Variants in KCNH8 observed in about 807,000 individuals in gnomAD.
KCNH8 encodes voltage-gated delayed rectifier potassium channel KCNH8.
KCNH8 carries 70 observed loss-of-function variants against 103.6 expected under a neutral mutation model. That is an observed-to-expected ratio of 0.68 (90% CI 0.56 to 0.82). The LOEUF (loss-of-function observed/expected upper bound fraction) is 0.82, where lower values mean the gene tolerates loss of function less well. Among genes scored for constraint, KCNH8 ranks in the 40% least tolerant of loss-of-function variants. KCNH8 has a pLI of 0.00. For missense variants in KCNH8, 1,217 were observed against 1,329.9 expected (o/e 0.92, Z 1.32); for synonymous variants, 498 against 489.4 (o/e 1.02, Z -0.23).
At chr3:19,335,512 T>G (rs1215716911) in intron 3 of KCNH8, among the ~76,000 whole-genome samples, 2 of 147,556 alleles carry the variant, frequency 1.4e-5, no homozygotes, top group Admixed American at 6.8e-5. Flanking sequence ...TATATATACT[T>G]TTTATACTCA....
intron 13 of KCNH8, 30 bp downstream of exon 13, chr3:19,513,355 CGTG>C: frequency 6.5e-7 from 1 of 1,548,232 alleles, no homozygotes; most frequent in Admixed American, 2.0e-5. Flanking sequence ...AACTTTCTCA[CGTG>C]AACGTGGCTG....
intron 5 of KCNH8, among the ~76,000 whole-genome samples, chr3:19,364,767 G>A (rs933309185): frequency 1.3e-5 from 2 of 151,966 alleles, no homozygotes; most frequent in Non-Finnish European, 2.9e-5. Flanking sequence ...TGACTTTAAA[G>A]TACCTACTTA....
chr3:19,206,159 G>GGTGT lies in KCNH8; in HGVS notation c.77-47488_77-47485dup, dbSNP rs546354220. ...TCATTAATGGTATATATATATTAAT[G>GGTGT]GTGTGTGTGTATATATATATATATA... On this transcript the variant is annotated intron_variant, in intron 1 of 15. Transcript: ENST00000328405. 5.3e-4 allele frequency among the ~76,000 whole-genome samples: 74 copies of GGTGT among 138,326 alleles called. 1 individual carries two copies. The highest frequency in any genetic ancestry group is 2.0e-3 in the African/African-American group (65 of 32,070). The allele number at this position is 138,326 out of a possible 152,430, so 90.7% of individuals were successfully genotyped here.
At chr3:19,501,982 G>C (rs1022066822) in intron 11 of KCNH8, among the ~76,000 whole-genome samples, 1 of 152,048 alleles carries the variant, frequency 6.6e-6, no homozygotes, top group Non-Finnish European at 1.5e-5. Flanking sequence ...AAGTCAAATT[G>C]TCTCTGTTTG....
chr3:19,533,040 T>C (rs1364146702), intron 15 of KCNH8, among the ~76,000 whole-genome samples: 1 of 151,830 alleles, frequency 6.6e-6, no homozygotes, highest in Admixed American at 6.6e-5. Context: ...CCGTCTCTAC[T>C]AAAAATACAA....
Position 19,347,044 on chromosome 3 carries a change from G to T in KCNH8, c.571-681G>T, listed in dbSNP as rs2065738572. Reference sequence around the variant, plus strand: ...CATTGGCTTTCTCCTCCCATGACTTGACTAATAACTCTTAAGCAACTGTTT... The same window carrying T: ...CATTGGCTTTCTCCTCCCATGACTTTACTAATAACTCTTAAGCAACTGTTT... On this transcript the variant is annotated intron_variant, in intron 4 of 15. Coordinates refer to ENST00000328405, the MANE Select transcript of KCNH8 (RefSeq NM_144633.3). Among the ~76,000 whole-genome samples, 3 of 152,022 alleles carry T rather than the reference G, an allele frequency of 2.0e-5. No homozygotes were observed. The South Asian group carries it at 6.2e-4, about 32-fold the overall frequency.
intron 11 of KCNH8, among the ~76,000 whole-genome samples, chr3:19,481,996 C>T (rs2068095233): frequency 6.6e-6 from 1 of 152,160 alleles, no homozygotes; most frequent in African/African-American, 2.4e-5. Flanking sequence ...CATCGGCAGA[C>T]TCACGTCTCC....
At chr3:19,210,137 T>C (rs1361826860) in intron 1 of KCNH8, among the ~76,000 whole-genome samples, 1 of 152,100 alleles carries the variant, frequency 6.6e-6, no homozygotes, top group Non-Finnish European at 1.5e-5. Context: ...GAATTTCTTA[T>C]TTATTTCTCG....
rs2069247846 is a variant in KCNH8, at chr3:19,535,459, G to C, written c.*1360G>C. ...CATCTCACACTAACAGGCAAATTCA[G>C]ATGCTGGGATTGGCAATGATTTAAG... On this transcript the variant is annotated 3_prime_UTR_variant, in exon 16 of 16. Coordinates refer to ENST00000328405, the MANE Select transcript of KCNH8 (RefSeq NM_144633.3). The C allele has an allele frequency of 6.6e-6, 1 of 152,152 alleles. No homozygotes were observed. The highest frequency in any genetic ancestry group is 1.5e-5 in the Non-Finnish European group (1 of 68,024). 9.4% of individuals were successfully genotyped at this position (152,152 alleles called of 1,614,324 possible). A position where few individuals can be genotyped will look rare whatever the true frequency, so the allele number is the denominator to read the frequency against.
intron 7 of KCNH8, among the ~76,000 whole-genome samples, chr3:19,400,055 C>T (rs1001672751): frequency 6.6e-6 from 1 of 151,444 alleles, no homozygotes; most frequent in Non-Finnish European, 1.5e-5. Flanking sequence ...TTCACAGTGC[C>T]TGAGGGAAGA....
At chr3:19,384,581 C>A (rs1213462164) in intron 5 of KCNH8, among the ~76,000 whole-genome samples, 1 of 152,008 alleles carries the variant, frequency 6.6e-6, no homozygotes, top group Non-Finnish European at 1.5e-5. Context: ...GGCTGCATTA[C>A]TAGAAGTATT....
At chr3:19,307,545 A>T (rs1428368075) in intron 3 of KCNH8, among the ~76,000 whole-genome samples, 2 of 152,034 alleles carry the variant, frequency 1.3e-5, no homozygotes, top group African/African-American at 4.8e-5. Flanking sequence ...CTGGGAATTT[A>T]TCCAAAGATA....
At chr3:19,343,675 GA>G (rs377333831) in intron 4 of KCNH8, among the ~76,000 whole-genome samples, 38 of 152,194 alleles carry the variant, frequency 2.5e-4, no homozygotes, top group African/African-American at 8.7e-4. Flanking sequence ...TAAGGACAGA[GA>G]GGGGATCCTT....
chr3:19,173,310 ATGG>A (rs981630217), intron 1 of KCNH8, among the ~76,000 whole-genome samples: 23 of 152,064 alleles, frequency 1.5e-4, no homozygotes, highest in African/African-American at 5.6e-4. Context: ...GCCTTGGGCA[ATGG>A]TGGTGGTGGT....
chr3:19,295,092 G>T (rs1480824254), intron 3 of KCNH8, among the ~76,000 whole-genome samples: 1 of 152,036 alleles, frequency 6.6e-6, no homozygotes, highest in African/African-American at 2.4e-5. Context: ...AGGCAAATAT[G>T]GTATTAAGAA....
intron 3 of KCNH8, among the ~76,000 whole-genome samples, chr3:19,324,392 CACTT>C (rs1449863682): frequency 6.6e-6 from 1 of 152,126 alleles, no homozygotes; most frequent in African/African-American, 2.4e-5. Flanking sequence ...GACTTCCAAA[CACTT>C]ACAAAACCAT....
intron 1 of KCNH8, among the ~76,000 whole-genome samples, chr3:19,193,542 G>A (rs956150870): frequency 5.3e-5 from 8 of 151,568 alleles, no homozygotes; most frequent in African/African-American, 7.3e-5. Flanking sequence ...CTTTGTTTCC[G>A]TGCAAAGATC....
chr3:19,469,027 G>C (rs1223328921), intron 11 of KCNH8, among the ~76,000 whole-genome samples: 1 of 152,102 alleles, frequency 6.6e-6, no homozygotes, highest in Non-Finnish European at 1.5e-5. Context: ...ATGATTTATT[G>C]AATATTAATA....
intron 7 of KCNH8, among the ~76,000 whole-genome samples, chr3:19,418,155 G>C (rs1297357096): frequency 6.6e-6 from 1 of 152,134 alleles, no homozygotes; most frequent in Non-Finnish European, 1.5e-5. Flanking sequence ...AACATTTCAG[G>C]TGAGAGGCTC....
Sources: gnomAD v4.1 joint callset for allele counts (sites outside exome capture counted in the v4.1 genomes callset) on GRCh38, gnomAD v4.1.1 for gene constraint, MANE v1.5 for transcripts, NCBI Gene and HGNC (gene_info 2026-07-23, HGNC 2026-07-21) for gene names.